LIN28B: variants seen among roughly 807,000 people sequenced by gnomAD.
The protein encoded by LIN28B is protein lin-28 homolog B.
A neutral mutation model predicts 21.9 loss-of-function variants in LIN28B; 5 were observed. The observed-to-expected ratio is 0.23, with a 90% confidence interval of 0.12 to 0.48. LIN28B has a LOEUF of 0.48. LIN28B is among the 20% of genes least tolerant of loss of function. The probability of loss-of-function intolerance (pLI) is 0.98; values close to 1 mark genes in which losing one functional copy is unlikely to be tolerated. For missense variants in LIN28B, 245 were observed against 310.5 expected (o/e 0.79, Z 1.58); for synonymous variants, 109 against 111.3 (o/e 0.98, Z 0.13).
intron 3 of LIN28B, among the ~76,000 whole-genome samples, chr6:105,052,801 G>A (rs1771933505): frequency 6.6e-6 from 1 of 151,914 alleles, no homozygotes; most frequent in African/African-American, 2.4e-5. Context: ...ATTCTAACTA[G>A]GAGTTTATTC....
At chr6:104,954,080 C>T (rs1474881842), upstream of LIN28B, among the ~76,000 whole-genome samples, 1 of 152,072 alleles carries the variant, frequency 6.6e-6, no homozygotes, top group Non-Finnish European at 1.5e-5. Flanking sequence ...ATTGACGATT[C>T]TTTGTAGCTA....
At chr6:104,973,280 A>T (rs1221748973) in intron 2 of LIN28B, among the ~76,000 whole-genome samples, 1 of 152,192 alleles carries the variant, frequency 6.6e-6, no homozygotes, top group African/African-American at 2.4e-5. Context: ...TGTTGAATAT[A>T]TATTCCAAAA....
At chr6:104,951,337 A>G (rs1012387394) in intron 3 of LIN28B, among the ~76,000 whole-genome samples, 4 of 152,170 alleles carry the variant, frequency 2.6e-5, no homozygotes, top group Non-Finnish European at 5.9e-5. Context: ...GCAAGAGGAA[A>G]GCAGTAAGGA....
chr6:104,983,141 A>G (rs1479737305), intron 2 of LIN28B, among the ~76,000 whole-genome samples: 1 of 152,224 alleles, frequency 6.6e-6, no homozygotes, highest in Non-Finnish European at 1.5e-5. Flanking sequence ...AGCCAGAGAC[A>G]TAAATAATAT....
intron 2 of LIN28B, among the ~76,000 whole-genome samples, chr6:104,971,824 T>G (rs1261507017): frequency 1.3e-5 from 2 of 152,232 alleles, no homozygotes; most frequent in African/African-American, 4.8e-5. Flanking sequence ...AGGTTTAGGA[T>G]AGTAAATCTT....
At chr6:104,978,185 T>C (rs1770143336) in intron 2 of LIN28B, among the ~76,000 whole-genome samples, 1 of 152,202 alleles carries the variant, frequency 6.6e-6, no homozygotes, top group African/African-American at 2.4e-5. Context: ...GTGGAAAAGA[T>C]GGTGGCTTCC....
chr6:105,050,372 G>T (rs532867825), intron 3 of LIN28B, among the ~76,000 whole-genome samples: 168 of 151,828 alleles, frequency 1.1e-3, no homozygotes, highest in Admixed American at 1.4e-3. Context: ...GGAGGCCGAG[G>T]CGGGTGGATC....
intron 3 of LIN28B, among the ~76,000 whole-genome samples, chr6:105,034,064 T>C (rs1042469901): frequency 7.2e-5 from 11 of 151,902 alleles, no homozygotes; most frequent in African/African-American, 2.7e-4. Flanking sequence ...TGAATAAAAA[T>C]GTGCATAATT....
chr6:104,973,309 A>G (rs1770017187), intron 2 of LIN28B, among the ~76,000 whole-genome samples: 1 of 152,242 alleles, frequency 6.6e-6, no homozygotes, highest in Admixed American at 6.5e-5. Flanking sequence ...AACATGGGAT[A>G]ATGTTTTCAG....
chr6:104,996,002 C>G (rs1353497814), intron 2 of LIN28B, among the ~76,000 whole-genome samples: 7 of 150,064 alleles, frequency 4.7e-5, no homozygotes, highest in African/African-American at 1.7e-4. Flanking sequence ...ATATACATAC[C>G]CCACTAGAAA....
chr6:104,972,813 A>G (rs1238823796), intron 2 of LIN28B, among the ~76,000 whole-genome samples: 1 of 152,122 alleles, frequency 6.6e-6, no homozygotes, highest in East Asian at 1.9e-4. Flanking sequence ...TGATATTTAA[A>G]AATCTTAACA....
intron 2 of LIN28B, among the ~76,000 whole-genome samples, chr6:104,949,702 A>C (rs895765503): frequency 1.3e-5 from 2 of 152,162 alleles, no homozygotes; most frequent in African/African-American, 4.8e-5. Context: ...CCCAAGGATA[A>C]AAACAATAAT....
intron 3 of LIN28B, among the ~76,000 whole-genome samples, chr6:105,044,867 T>C (rs1248567709): frequency 6.6e-6 from 1 of 152,144 alleles, no homozygotes; most frequent in Non-Finnish European, 1.5e-5. Flanking sequence ...GTTGTATTTC[T>C]AGTCATTGGA....
chr6:104,951,032 A>G (rs887799673), intron 3 of LIN28B, among the ~76,000 whole-genome samples: 4 of 152,258 alleles, frequency 2.6e-5, no homozygotes, highest in East Asian at 1.9e-4. Context: ...TCATAAACAT[A>G]TATCAGAATT....
chr6:105,056,492 C>T (rs1180003929), intron 3 of LIN28B, among the ~76,000 whole-genome samples: 4 of 152,110 alleles, frequency 2.6e-5, no homozygotes, highest in African/African-American at 9.7e-5. Flanking sequence ...TTACTAGGAT[C>T]TCAAGTGAAA....
At chr6:105,036,688 G>A (rs77471551) in intron 3 of LIN28B, among the ~76,000 whole-genome samples, 2 of 152,234 alleles carry the variant, frequency 1.3e-5, no homozygotes, top group East Asian at 3.9e-4. Context: ...CAAATAATCA[G>A]AATTTTAGGT....
intron 2 of LIN28B, among the ~76,000 whole-genome samples, chr6:104,960,437 G>A (rs914349511): frequency 6.6e-6 from 1 of 151,910 alleles, no homozygotes; most frequent in Admixed American, 6.6e-5. Context: ...AGTTTTATAA[G>A]CATTTTTGAA....
At chr6:104,971,294 T>C (rs1447162035) in intron 2 of LIN28B, among the ~76,000 whole-genome samples, 5 of 152,096 alleles carry the variant, frequency 3.3e-5, no homozygotes, top group Non-Finnish European at 7.4e-5. Context: ...TTGTTTAAAA[T>C]ATTTTATTTC....
intron 2 of LIN28B, among the ~76,000 whole-genome samples, chr6:104,989,221 T>C (rs1770409103): frequency 6.6e-6 from 1 of 152,182 alleles, no homozygotes; most frequent in Non-Finnish European, 1.5e-5. Context: ...ATTAATTTGT[T>C]CTTTTTTTAT....
Sources: gnomAD v4.1 joint callset for allele counts (sites outside exome capture counted in the v4.1 genomes callset) on GRCh38, gnomAD v4.1.1 for gene constraint, MANE v1.5 for transcripts, NCBI Gene and HGNC (gene_info 2026-07-23, HGNC 2026-07-21) for gene names.